The following E2F7 variants were observed in gnomAD, a reference collection of about 807,000 sequenced individuals.
E2F7 encodes the protein transcription factor E2F7.
Under a neutral mutation model 81.1 loss-of-function variants are expected in E2F7, and 35 were observed. The ratio of observed to expected loss-of-function variants is 0.43; its 90% CI spans 0.33 to 0.57. E2F7 has a LOEUF of 0.57. Among genes scored for constraint, E2F7 ranks in the 20% least tolerant of loss-of-function variants. E2F7 has a pLI of 0.04. For synonymous variants in E2F7, 416 were observed against 416.2 expected (o/e 1.00, Z 0.01); for missense variants, 961 against 1,093.7 (o/e 0.88, Z 1.71).
intron 7 of E2F7, among the ~76,000 whole-genome samples, chr12:77,036,483 C>T (rs965387480): frequency 1.3e-5 from 2 of 151,968 alleles, no homozygotes; most frequent in African/African-American, 2.4e-5. Flanking sequence ...CATGATCATG[C>T]CATCGCGCCA....
intron 2 of E2F7, among the ~76,000 whole-genome samples, chr12:77,056,954 A>G (rs1270320377): frequency 6.6e-6 from 1 of 150,724 alleles, no homozygotes; most frequent in African/African-American, 2.4e-5. Context: ...TGGTGTGATC[A>G]TAATTCACTA....
chr12:77,049,409 A>G (rs1954968214), intron 4 of E2F7, among the ~76,000 whole-genome samples: 1 of 152,218 alleles, frequency 6.6e-6, no homozygotes, highest in African/African-American at 2.4e-5. Flanking sequence ...AGAGCTGACT[A>G]GAAACTGTTC....
intron 7 of E2F7, among the ~76,000 whole-genome samples, chr12:77,042,039 AT>A (rs914386779): frequency 4.6e-5 from 7 of 152,218 alleles, no homozygotes. Context: ...AGGAGTTGAC[AT>A]TTGAGCCAGA....
In E2F7 at chr12:77,044,922, G is replaced by A. The variant is rs1331671185; in HGVS notation, c.830-127C>T. ...AAGATCACCCTTGTCATTGGCAGAA[G>A]CTTACTGGATACACATCACAGAAGT... On this transcript the variant is annotated intron_variant, in intron 5 of 12. Coordinates refer to ENST00000322886, the MANE Select transcript of E2F7 (RefSeq NM_203394.3). 4 of 1,100,196 alleles carry A rather than the reference G, an allele frequency of 3.6e-6. No homozygotes were observed. In the Admixed American group the frequency reaches 8.3e-5, roughly 23 times the overall value. 68.2% of individuals were successfully genotyped at this position (1,100,196 alleles called of 1,614,324 possible).
chr12:77,042,373 C>T (rs1954900992), intron 7 of E2F7, among the ~76,000 whole-genome samples: 1 of 152,192 alleles, frequency 6.6e-6, no homozygotes, highest in Non-Finnish European at 1.5e-5. Context: ...ATTTACACCA[C>T]TAACACCAAA....
Position 77,033,936 on chromosome 12 carries a change from A to T in E2F7, c.1230T>A (p.Ser410=). Residue 410 remains serine, a synonymous_variant, in exon 8 of 13, where the codon TCT becomes TCA. Coordinates refer to ENST00000322886, the MANE Select transcript of E2F7 (RefSeq NM_203394.3). The stretch of plus-strand genomic sequence containing the variant: ...TCTCAGAAGCCTGAACTGTGTTAAA[A>T]GAACCATGGCGAGCCAGCTTCTGTT... ...CAKQKLARHG[S]FNTVQASERI... is the part of the protein sequence containing the mutation. The T allele has an allele frequency of 6.2e-7, 1 of 1,614,256 alleles. No individual in the cohort carries two copies. The highest frequency in any genetic ancestry group is 8.5e-7 in the Non-Finnish European group (1 of 1,180,040).
rs777191377 is a variant in E2F7, at chr12:77,029,812, T to G, written c.1884+19A>C. On this transcript the variant is annotated intron_variant, in intron 10 of 12. Transcript: ENST00000322886. The stretch of plus-strand genomic sequence containing the variant: ...GGCTAACAGGATGTCACCAGACACA[T>G]CCACCTGCACTCCCTTACCTTGGGC... 1.9e-6 allele frequency: 3 copies of G among 1,612,130 alleles called. No homozygotes were observed. The African/African-American group carries it at 4.0e-5, about 22-fold the overall frequency.
intron 6 of E2F7, 122 bp from the exon 7 acceptor site, chr12:77,043,321 A>G: frequency 1.5e-6 from 2 of 1,295,004 alleles, no homozygotes; most frequent in Non-Finnish European, 2.2e-6. Context: ...GCAGGTTGGG[A>G]TGAGGAGACC....
In E2F7 at chr12:77,030,135, G is replaced by C. The variant is rs199701316; in HGVS notation, c.1580C>G (p.Ala527Gly). 3 of 1,614,198 alleles carry C rather than the reference G, an allele frequency of 1.9e-6. No individual in the cohort carries two copies. The highest frequency in any genetic ancestry group is 2.5e-6 in the Non-Finnish European group (3 of 1,180,028). ...GLNGQVDVSL[A>G]SAASAVESLK... The stretch of plus-strand genomic sequence containing the variant: ...GCTCTCCACAGCAGAGGCTGCAGAA[G>C]CAAGTGAGACATCCACTTGTCCATT... Residue 527 changes from alanine (A) to glycine (G), a missense_variant, in exon 10 of 13, where the codon GCT becomes GGT. By Grantham distance (60) the Ala-to-Gly change is moderately conservative (BLOSUM62 0). Around this residue, in one of 3 missense-constraint regions of E2F7, gnomAD observed 587 missense variants for 620.3 expected, o/e 0.95. Coordinates refer to ENST00000322886, the MANE Select transcript of E2F7 (RefSeq NM_203394.3).
At chr12:77,056,441 G>T (rs1203474730) in intron 2 of E2F7, among the ~76,000 whole-genome samples, 1 of 152,208 alleles carries the variant, frequency 6.6e-6, no homozygotes, top group Non-Finnish European at 1.5e-5. Context: ...AATGTGGGTT[G>T]AGTCCATATT....
At chr12:77,054,408 A>G (rs1465204888) in intron 3 of E2F7, among the ~76,000 whole-genome samples, 3 of 152,174 alleles carry the variant, frequency 2.0e-5, no homozygotes, top group Non-Finnish European at 4.4e-5. Flanking sequence ...AAAAAATACA[A>G]TTTGCAATAG....
chr12:77,046,365 A>G (rs1954943045), intron 4 of E2F7, 37 bp from the exon 5 acceptor site: 2 of 1,585,706 alleles, frequency 1.3e-6, no homozygotes, highest in South Asian at 2.3e-5. Flanking sequence ...CATCATGCAG[A>G]CAAACATTTT....
At chr12:77,061,038 C>T (rs553888484) in intron 2 of E2F7, among the ~76,000 whole-genome samples, 4 of 152,302 alleles carry the variant, frequency 2.6e-5, no homozygotes, top group Non-Finnish European at 5.9e-5. Flanking sequence ...CCTGGTTCTT[C>T]TCATACTTCT....
At chr12:77,060,304 G>A (rs1955068227) in intron 2 of E2F7, among the ~76,000 whole-genome samples, 1 of 152,102 alleles carries the variant, frequency 6.6e-6, no homozygotes, top group Non-Finnish European at 1.5e-5. Flanking sequence ...CTACCATAGA[G>A]TTGCTGTGAT....
intron 11 of E2F7, 95 bp downstream of exon 11, chr12:77,027,788 G>A: frequency 6.6e-7 from 1 of 1,514,090 alleles, no homozygotes; most frequent in South Asian, 1.3e-5. Flanking sequence ...ACATCAATAA[G>A]CCACTTTGGG....
intron 3 of E2F7, 90 bp downstream of exon 3, chr12:77,055,765 A>C: frequency 1.4e-6 from 2 of 1,453,848 alleles, no homozygotes; most frequent in Non-Finnish European, 1.8e-6. Flanking sequence ...GCTCAATAGG[A>C]GCTGAAAAGT....
intron 3 of E2F7, among the ~76,000 whole-genome samples, chr12:77,053,595 G>A (rs1955007285): frequency 6.6e-6 from 1 of 152,204 alleles, no homozygotes; most frequent in Admixed American, 6.5e-5. Flanking sequence ...AGGCAAACTT[G>A]TATATGTACA....
intron 7 of E2F7, among the ~76,000 whole-genome samples, chr12:77,034,973 T>C (rs1954836670): frequency 6.6e-6 from 1 of 152,130 alleles, no homozygotes; most frequent in Non-Finnish European, 1.5e-5. Flanking sequence ...ATAGGTCAAG[T>C]CAGTAATAGG....
At chr12:77,048,659 G>A (rs1024646717) in intron 4 of E2F7, among the ~76,000 whole-genome samples, 10 of 152,092 alleles carry the variant, frequency 6.6e-5, no homozygotes, top group Non-Finnish European at 2.9e-5. Context: ...AGCAAGGGAC[G>A]CCATTTTATG....
Sources: gnomAD v4.1 joint callset for allele counts (sites outside exome capture counted in the v4.1 genomes callset) on GRCh38, gnomAD v4.1.1 for gene constraint, gnomAD v4.1.1 regional missense constraint, MANE v1.5 for transcripts, NCBI Gene and HGNC (gene_info 2026-07-23, HGNC 2026-07-21) for gene names.